DDX17: variants seen among roughly 807,000 people sequenced by gnomAD.
The protein encoded by DDX17 is DEAD-box helicase 17, also known as probable ATP-dependent RNA helicase DDX17.
In DDX17, 10 loss-of-function variants were observed where a neutral mutation model predicts 80.8. That is an observed-to-expected ratio of 0.12 (90% CI 0.08 to 0.21). The LOEUF (loss-of-function observed/expected upper bound fraction) is 0.21, where lower values mean the gene tolerates loss of function less well. Among genes scored for constraint, DDX17 ranks in the 10% least tolerant of loss-of-function variants. The pLI is 1.00. For missense variants in DDX17, 586 were observed against 957.4 expected, an observed-to-expected ratio of 0.61 and a Z score of 5.12; for synonymous variants, 339 against 336.2, an observed-to-expected ratio of 1.01 and a Z score of -0.09.
chr22:38,490,378 G>T, intron 11 of DDX17: 1 of 1,289,314 alleles, frequency 7.8e-7, no homozygotes, highest in Non-Finnish European at 1.0e-6. Context: ...AGCTGCTTCC[G>T]GCCAATGTAG....
At chr22:38,496,013 A>C in intron 5 of DDX17, 76 bp from the exon 6 acceptor site, 3 of 1,289,970 alleles carry the variant, frequency 2.3e-6, no homozygotes, top group Non-Finnish European at 2.0e-6. Context: ...GAAACAAAAT[A>C]CAAAAAGCTA....
At chr22:38,505,893 C>A (rs2145717358) in intron 1 of DDX17, 58 bp downstream of exon 1, 3 of 1,527,234 alleles carry the variant, frequency 2.0e-6, no homozygotes, top group South Asian at 2.4e-5. Context: ...CCGGGCCTCC[C>A]CAAGAAGCAA....
In DDX17 at chr22:38,499,409, T is replaced by C; in HGVS notation, c.529A>G (p.Asn177Asp). ...ATTGAAGAACACTTACGTGGGAAGT[T>C]AGCATGATGGAAGGCAAACACGGGT... Residue 177 changes from asparagine to aspartate, a missense_variant, in exon 3 of 13, where the codon AAC becomes GAC. By Grantham distance (23) the Asn-to-Asp change is conservative (BLOSUM62 1). Transcript: ENST00000403230. The C allele has an allele frequency of 1.2e-6, 2 of 1,613,564 alleles. No homozygotes were observed.
chr22:38,496,220 G>A (rs1752541279), intron 5 of DDX17, among the ~76,000 whole-genome samples: 1 of 152,100 alleles, frequency 6.6e-6, no homozygotes, highest in African/African-American at 2.4e-5. Flanking sequence ...TGTTTAAGTG[G>A]AGATATAGAT....
intron 5 of DDX17, among the ~76,000 whole-genome samples, chr22:38,496,247 A>C (rs1299369331): frequency 6.6e-6 from 1 of 152,142 alleles, no homozygotes; most frequent in African/African-American, 2.4e-5. Context: ...ACCTGGTTTT[A>C]AGTATACAAC....
chr22:38,488,966 A>G (rs1277678247), intron 11 of DDX17: 3 of 985,444 alleles, frequency 3.0e-6, no homozygotes, highest in Non-Finnish European at 3.6e-6. Flanking sequence ...ACCTTGAGAC[A>G]CAAGTTTAGT....
chr22:38,491,761 T>A (rs1166008625), intron 11 of DDX17: 1 of 297,636 alleles, frequency 3.4e-6, no homozygotes, highest in Non-Finnish European at 6.2e-6. Context: ...CAGCTGTCTG[T>A]CTCCTCTCCC....
intron 10 of DDX17, among the ~76,000 whole-genome samples, chr22:38,492,553 C>T (rs1010564632): frequency 9.9e-5 from 15 of 152,200 alleles, no homozygotes; most frequent in Admixed American, 2.6e-4. Flanking sequence ...GTGGCGCAAT[C>T]TCAGCTCACC....
In DDX17 at chr22:38,487,875, T is replaced by C. The variant is rs772844238; in HGVS notation, c.1684+4A>G. The C allele has an allele frequency of 6.2e-7, 1 of 1,614,092 alleles. No individual in the cohort carries two copies. Among genetic ancestry groups the C allele is most frequent in the Non-Finnish European group, 8.5e-7 (1 of 1,180,024 alleles). On this transcript the variant is annotated splice_donor_region_variant and intron_variant, in intron 12 of 12. Coordinates refer to ENST00000403230, the MANE Select transcript of DDX17 (RefSeq NM_006386.5). Reference sequence around the variant, plus strand: ...ACCTGGAAAACTCCAGGACTTACCCTTACCCCCGCCTCCGCCGCCTCCTCT... The same window carrying C: ...ACCTGGAAAACTCCAGGACTTACCCCTACCCCCGCCTCCGCCGCCTCCTCT...
In DDX17 at chr22:38,484,561, A is replaced by G. The variant is rs748759116; in HGVS notation, c.*1374T>C. On this transcript the variant is annotated 3_prime_UTR_variant, in exon 13 of 13. Coordinates refer to ENST00000403230, the MANE Select transcript of DDX17 (RefSeq NM_006386.5). Reference sequence around the variant, plus strand: ...TAACAGCATAAAAATTAATAGTCCCATATCAGATCTGGAAGGGGTTTCTGG... The same window carrying G: ...TAACAGCATAAAAATTAATAGTCCCGTATCAGATCTGGAAGGGGTTTCTGG... 2.6e-5 allele frequency: 4 copies of G among 152,264 alleles called. No individual in the cohort carries two copies. Among genetic ancestry groups the G allele is most frequent in the Non-Finnish European group, 4.4e-5 (3 of 68,048 alleles). The allele number at this position is 152,264 out of a possible 1,614,324, so 9.4% of individuals were successfully genotyped here.
In DDX17 at chr22:38,487,817, G is replaced by A. The variant is rs947155110; in HGVS notation, c.1684+62C>T. 3.2e-6 allele frequency: 5 copies of A among 1,574,694 alleles called. No individual in the cohort carries two copies. The African/African-American group carries it at 5.4e-5, about 17-fold the overall frequency. On this transcript the variant is annotated intron_variant, in intron 12 of 12. Coordinates refer to ENST00000403230, the MANE Select transcript of DDX17 (RefSeq NM_006386.5). The stretch of plus-strand genomic sequence containing the variant: ...TCTTAAAAACAGCAACTAAAAGCAA[G>A]TCACAGAAGGCGTAAAGAGATACCT...
intron 10 of DDX17, 82 bp downstream of exon 10, chr22:38,493,628 C>T (rs887567893): frequency 2.2e-5 from 26 of 1,158,300 alleles, no homozygotes; most frequent in Non-Finnish European, 3.3e-5. Flanking sequence ...AGAAAGTTTG[C>T]CTATCCCTGA....
intron 12 of DDX17, among the ~76,000 whole-genome samples, chr22:38,487,377 G>A (rs1465426093): frequency 2.6e-5 from 4 of 151,984 alleles, no homozygotes; most frequent in African/African-American, 9.7e-5. Flanking sequence ...TCAGCACTTT[G>A]GGAGGCCAAG....
chr22:38,493,954 A>G lies in DDX17; in HGVS notation c.1325+67T>C, dbSNP rs2089737047. ...TATTGAAATATTACACAACATTTGG[A>G]ATACCAATTTAGAAATTTCCAGTTA... On this transcript the variant is annotated intron_variant, in intron 9 of 12. Transcript: ENST00000403230. 2.2e-6 allele frequency: 3 copies of G among 1,358,816 alleles called. No homozygotes were observed. In the South Asian group the frequency reaches 3.7e-5, roughly 17 times the overall value. 84.2% of individuals were successfully genotyped at this position (1,358,816 alleles called of 1,614,324 possible). A position where few individuals can be genotyped will look rare whatever the true frequency, so the allele number is the denominator to read the frequency against.
At chr22:38,496,336 T>C (rs1244636753) in intron 5 of DDX17, among the ~76,000 whole-genome samples, 1 of 152,110 alleles carries the variant, frequency 6.6e-6, no homozygotes, top group East Asian at 1.9e-4. Flanking sequence ...ATCATATTGG[T>C]CCTCAAAATT....
At chr22:38,500,439 G>C (rs2089816199) in intron 2 of DDX17, among the ~76,000 whole-genome samples, 1 of 151,456 alleles carries the variant, frequency 6.6e-6, no homozygotes, top group Non-Finnish European at 1.5e-5. Flanking sequence ...TCAGGAGACG[G>C]AGACCAGTCT....
At chr22:38,490,467 T>C (rs2089702549) in intron 11 of DDX17, 1 of 1,287,344 alleles carries the variant, frequency 7.8e-7, no homozygotes, top group Non-Finnish European at 1.0e-6. Flanking sequence ...ATAAATTCAA[T>C]ACTTTTAGTT....
intron 1 of DDX17, 41 bp downstream of exon 1, chr22:38,505,910 C>T (rs1277348943): frequency 6.5e-6 from 10 of 1,532,002 alleles, no homozygotes; most frequent in Non-Finnish European, 7.9e-6. Context: ...GCAACTCCCC[C>T]ACCCCCACGC....
Position 38,486,398 on chromosome 22 carries a change from G to GGATTGTTGGCTGAAGAA in DDX17, c.1710_1726dup (p.Pro576LeufsTer9). 1 of 1,612,756 alleles carries GGATTGTTGGCTGAAGAA rather than the reference G, an allele frequency of 6.2e-7. No homozygotes were observed. The highest frequency in any genetic ancestry group is 8.5e-7 in the Non-Finnish European group (1 of 1,179,452). On this transcript the variant is annotated frameshift_variant, in exon 13 of 13. Transcript: ENST00000403230. LOFTEE classifies it high-confidence loss of function. ...ACACTCATCCTGATACATCAGATTGGGATTGTTGGCTGAAGAAGTGGTCCG... is the reference window on the plus strand; with the variant it reads ...ACACTCATCCTGATACATCAGATTGGGATTGTTGGCTGAAGAAGATTGTTGGCTGAAGAAGTGGTCCG...
Sources: allele counts gnomAD v4.1 joint callset (sites outside exome capture counted in the v4.1 genomes callset), GRCh38; gene constraint gnomAD v4.1.1; transcripts MANE v1.5; gene names NCBI Gene and HGNC (gene_info 2026-07-23, HGNC 2026-07-21).